The following BSND variants were observed in gnomAD, a reference collection of about 807,000 sequenced individuals.
BSND encodes the protein barttin CLCNK type accessory subunit beta.
In BSND, 13 loss-of-function variants were observed where a neutral mutation model predicts 18.8. The ratio of observed to expected loss-of-function variants is 0.69; its 90% CI spans 0.45 to 1.10. The LOEUF (loss-of-function observed/expected upper bound fraction) is 1.10, where lower values mean the gene tolerates loss of function less well. Among genes scored for constraint, BSND ranks in the 50% least tolerant of loss-of-function variants. The pLI is 0.00. For synonymous variants in BSND, 170 were observed against 161.8 expected, an observed-to-expected ratio of 1.05 and a Z score of -0.39; for missense variants, 379 against 416.7, an observed-to-expected ratio of 0.91 and a Z score of 0.79.
chr1:55,007,536 G>A (rs1233862158), intron 3 of BSND, among the ~76,000 whole-genome samples: 1 of 152,166 alleles, frequency 6.6e-6, no homozygotes, highest in African/African-American at 2.4e-5. Context: ...CCCACACAGG[G>A]ATGATCATTC....
At position 55,008,622 on chromosome 1, in the gene BSND, A is replaced by G; in HGVS notation, c.957A>G (p.Gln319=). ...DKELGFEPDT[Q]G is the part of the protein sequence containing the mutation. ...AGCTGGGTTTTGAGCCTGACACCCAAGGCTGAGATGTTTGTGCTCCGTAGC... is the reference window on the plus strand; with the variant it reads ...AGCTGGGTTTTGAGCCTGACACCCAGGGCTGAGATGTTTGTGCTCCGTAGC... The change falls in exon 4 of 4, where the codon CAA becomes CAG. Residue 319 remains glutamine (Q), a synonymous_variant. Transcript: ENST00000651561. 6.2e-7 allele frequency: 1 copy of G among 1,614,088 alleles called. No homozygotes were observed. The highest frequency in any genetic ancestry group is 1.1e-5 in the South Asian group (1 of 91,076).
intron 1 of BSND, among the ~76,000 whole-genome samples, chr1:55,002,735 T>C (rs995109323): frequency 1.3e-5 from 2 of 152,178 alleles, no homozygotes; most frequent in Admixed American, 1.3e-4. Flanking sequence ...GTGGTGATGA[T>C]GATATGATGG....
intron 2 of BSND, among the ~76,000 whole-genome samples, chr1:55,005,661 G>A (rs1315505101): frequency 2.6e-5 from 4 of 152,220 alleles, no homozygotes; most frequent in African/African-American, 9.6e-5. Flanking sequence ...ACACACAGTA[G>A]GTCTTCTATG....
Position 55,016,214 on chromosome 1 carries a change from C to T in BSND, c.*7586C>T, listed in dbSNP as rs927818561. Reference sequence around the variant, plus strand: ...GTCTGAAAGAGGTTACAGTTCCTAACGGAGAGAGAGAGACAGATGGAGAGA... The same window carrying T: ...GTCTGAAAGAGGTTACAGTTCCTAATGGAGAGAGAGAGACAGATGGAGAGA... On this transcript the variant is annotated 3_prime_UTR_variant, in exon 4 of 4. Coordinates refer to ENST00000651561, the MANE Select transcript of BSND (RefSeq NM_057176.3). Among the ~76,000 whole-genome samples, 10 of 151,596 alleles carry T rather than the reference C, an allele frequency of 6.6e-5. No homozygotes were observed. The highest frequency in any genetic ancestry group is 2.2e-4 in the African/African-American group (9 of 41,176).
At position 55,008,834 on chromosome 1, in the gene BSND, C is replaced by T. The variant is rs1255168167; in HGVS notation, c.*206C>T. On this transcript the variant is annotated 3_prime_UTR_variant, in exon 4 of 4. Coordinates refer to ENST00000651561, the MANE Select transcript of BSND (RefSeq NM_057176.3). ...TTTCCAATAGTTAGTGGTCTTTGGCCAACCTTTGAAGGCAAAATATGATTT... is the reference window on the plus strand; with the variant it reads ...TTTCCAATAGTTAGTGGTCTTTGGCTAACCTTTGAAGGCAAAATATGATTT... 1.3e-6 allele frequency: 1 copy of T among 773,878 alleles called. No homozygotes were observed. The highest frequency in any genetic ancestry group is 1.7e-5 in the African/African-American group (1 of 57,310). 47.9% of individuals were successfully genotyped at this position (773,878 alleles called of 1,614,324 possible).
At position 55,008,285 on chromosome 1, in the gene BSND, A is replaced by T. The variant is rs753374999; in HGVS notation, c.620A>T (p.Glu207Val). ...FQDDLDMDSS[E>V]GSSPNASPHD... is the part of the protein sequence containing the mutation. ...GATGACCTGGACATGGACTCCAGTG[A>T]AGGCAGCAGCCCCAATGCATCTCCA... The change falls in exon 4 of 4, where the codon GAA (glutamate) becomes GTA (valine). Residue 207 changes from glutamate (E) to valine (V), a missense_variant. Coordinates refer to ENST00000651561, the MANE Select transcript of BSND (RefSeq NM_057176.3). The T allele has an allele frequency of 6.2e-6, 10 of 1,614,184 alleles. No individual in the cohort carries two copies. Among genetic ancestry groups the T allele is most frequent in the Non-Finnish European group, 8.5e-6 (10 of 1,180,042 alleles).
Position 54,999,374 on chromosome 1 carries a change from G to A in BSND, c.177+11G>A, listed in dbSNP as rs78904893. The A allele has an allele frequency of 0.034, 53,735 of 1,600,054 alleles. 2,557 individuals are homozygous for A. Among genetic ancestry groups the A allele is most frequent in the African/African-American group, 0.15 (11,288 of 74,796 alleles). On this transcript the variant is annotated intron_variant, in intron 1 of 3. Transcript: ENST00000651561. Reference sequence around the variant, plus strand: ...CAGTGCTACCCCAAGGTAGGTGGTAGTGGGGCTGGGTGGGGCCAGGTCAGC... The same window carrying A: ...CAGTGCTACCCCAAGGTAGGTGGTAATGGGGCTGGGTGGGGCCAGGTCAGC...
Position 55,009,360 on chromosome 1 carries a change from G to C in BSND, c.*732G>C. 6.5e-6 allele frequency: 1 copy of C among 153,328 alleles called. No homozygotes were observed. The highest frequency in any genetic ancestry group is 1.5e-5 in the Non-Finnish European group (1 of 68,650). 9.5% of individuals were successfully genotyped at this position (153,328 alleles called of 1,614,324 possible). A position where few individuals can be genotyped will look rare whatever the true frequency, so the allele number is the denominator to read the frequency against. On this transcript the variant is annotated 3_prime_UTR_variant, in exon 4 of 4. Coordinates refer to ENST00000651561, the MANE Select transcript of BSND (RefSeq NM_057176.3). ...GAACCAGGTGGTCTTGCCTCTCTGCGCTGCCTTTGGGACCTGTATATTTGT... is the reference window on the plus strand; with the variant it reads ...GAACCAGGTGGTCTTGCCTCTCTGCCCTGCCTTTGGGACCTGTATATTTGT...
rs995550048 is a variant in BSND at position 55,011,965 on chromosome 1, C to T, written c.*3337C>T. The stretch of plus-strand genomic sequence containing the variant: ...TGGCAAAGCCTGGGATTCTAGCGTT[C>T]AGCTCCAGGCTCCAGGTGTGTGTGC... On this transcript the variant is annotated 3_prime_UTR_variant, in exon 4 of 4. Coordinates refer to ENST00000651561, the MANE Select transcript of BSND (RefSeq NM_057176.3). Among the ~76,000 whole-genome samples, 1 of 152,152 alleles carries T rather than the reference C, an allele frequency of 6.6e-6. No individual in the cohort carries two copies. Among genetic ancestry groups the T allele is most frequent in the African/African-American group, 2.4e-5 (1 of 41,432 alleles).
chr1:55,004,048 T>G (rs1644376977), intron 1 of BSND, among the ~76,000 whole-genome samples: 1 of 152,258 alleles, frequency 6.6e-6, no homozygotes, highest in Admixed American at 6.5e-5. Context: ...TTCTTCTTTC[T>G]GGCTCTATGG....
chr1:55,003,823 C>G (rs1644375114), intron 1 of BSND, among the ~76,000 whole-genome samples: 2 of 150,434 alleles, frequency 1.3e-5, no homozygotes, highest in Non-Finnish European at 2.9e-5. Context: ...CCTCAGGAGA[C>G]TGGCGTAACT....
In BSND at chr1:55,017,124, G is replaced by C. The variant is rs1458374567; in HGVS notation, c.*8496G>C. Among the ~76,000 whole-genome samples the C allele has an allele frequency of 1.3e-5, 2 of 152,238 alleles. No homozygotes were observed. Among genetic ancestry groups the C allele is most frequent in the South Asian group, 4.1e-4 (2 of 4,834 alleles). On this transcript the variant is annotated 3_prime_UTR_variant, in exon 4 of 4. Coordinates refer to ENST00000651561, the MANE Select transcript of BSND (RefSeq NM_057176.3). ...TTCATTATTGTGCCCTCAGTGCTTA[G>C]TTAAGTTCCTGGAACACAGTATCCT...
At position 55,007,272 on chromosome 1, in the gene BSND, G is replaced by T. The variant is rs1253526087; in HGVS notation, c.548G>T (p.Gly183Val). Residue 183 changes from glycine to valine, a missense_variant and splice_region_variant, in exon 3 of 4, where the codon GGC (glycine) becomes GTC (valine). Physicochemically the swap from Gly to Val is moderately radical, Grantham distance 109 (BLOSUM62 -3). Transcript: ENST00000651561. ...GERRLTQSWPGPLACPQGPAP... is the reference protein window; with the variant it reads ...GERRLTQSWPVPLACPQGPAP... ...AGACGCCTAACTCAGAGCTGGCCCGGGTGAGTGCTTAGAGGGCAGGAGTGG... is the reference window on the plus strand; with the variant it reads ...AGACGCCTAACTCAGAGCTGGCCCGTGTGAGTGCTTAGAGGGCAGGAGTGG... The T allele has an allele frequency of 1.2e-6, 2 of 1,601,070 alleles. No homozygotes were observed. The highest frequency in any genetic ancestry group is 2.7e-5 in the African/African-American group (2 of 74,634).
At chr1:55,007,340 G>A in intron 3 of BSND, 68 bp downstream of exon 3, 1 of 505,094 alleles carries the variant, frequency 2.0e-6, no homozygotes, top group Non-Finnish European at 3.6e-6. Context: ...AGGAGTGGGG[G>A]ACCGCCGAGG....
chr1:55,006,229 C>T (rs755583213), intron 2 of BSND, among the ~76,000 whole-genome samples: 16 of 152,176 alleles, frequency 1.1e-4, no homozygotes, highest in South Asian at 2.1e-4. Context: ...GCCAGAGCTC[C>T]GTCTCAGGGC....
At position 55,015,465 on chromosome 1, in the gene BSND, C is replaced by T. The variant is rs1644445155; in HGVS notation, c.*6837C>T. Among the ~76,000 whole-genome samples the T allele has an allele frequency of 6.6e-6, 1 of 152,194 alleles. No individual in the cohort carries two copies. Among genetic ancestry groups the T allele is most frequent in the African/African-American group, 2.4e-5 (1 of 41,448 alleles). On this transcript the variant is annotated 3_prime_UTR_variant, in exon 4 of 4. Coordinates refer to ENST00000651561, the MANE Select transcript of BSND (RefSeq NM_057176.3). ...GGGCCCCAGTGACTCAGGAAGTCCC[C>T]AGGTCAGAAAATGGGCCCCACTGGT... is the stretch of plus-strand genomic sequence containing the variant.
rs1267947306 is a variant in BSND at position 55,012,738 on chromosome 1, G to A, written c.*4110G>A. Among the ~76,000 whole-genome samples the A allele has an allele frequency of 6.6e-6, 1 of 152,212 alleles. No homozygotes were observed. The highest frequency in any genetic ancestry group is 1.5e-5 in the Non-Finnish European group (1 of 68,030). ...GGGGTAAAGAAAGTCTGTGTGCCCAGTGCTGAGAGGCAGGTGAGCCAACAG... is the reference window on the plus strand; with the variant it reads ...GGGGTAAAGAAAGTCTGTGTGCCCAATGCTGAGAGGCAGGTGAGCCAACAG... On this transcript the variant is annotated 3_prime_UTR_variant, in exon 4 of 4. Transcript: ENST00000651561.
rs1005264419 is a variant in BSND, at chr1:55,011,196, T to C, written c.*2568T>C. Reference sequence around the variant, plus strand: ...GGGGGCTTGGGGTAGTGGAGTGAGATGGTGAGACCCAGGCTTGGTCTCCCT... The same window carrying C: ...GGGGGCTTGGGGTAGTGGAGTGAGACGGTGAGACCCAGGCTTGGTCTCCCT... On this transcript the variant is annotated 3_prime_UTR_variant, in exon 4 of 4. Transcript: ENST00000651561. 1 of 152,314 alleles carries C rather than the reference T, an allele frequency of 6.6e-6. No individual in the cohort carries two copies. The highest frequency in any genetic ancestry group is 1.5e-5 in the Non-Finnish European group (1 of 68,108). The allele number at this position is 152,314 out of a possible 1,614,324, so 9.4% of individuals were successfully genotyped here. A position where few individuals can be genotyped will look rare whatever the true frequency, so the allele number is the denominator to read the frequency against.
In BSND at chr1:55,012,123, G is replaced by T. The variant is rs1644425152; in HGVS notation, c.*3495G>T. 6.6e-6 allele frequency among the ~76,000 whole-genome samples: 1 copy of T among 152,182 alleles called. No homozygotes were observed. Among genetic ancestry groups the T allele is most frequent in the South Asian group, 2.1e-4 (1 of 4,828 alleles). ...TAACTGGAAAGGGTGGGCAAGGGAA[G>T]GCAGGGGGCCCAGGGGCAGGGAACC... On this transcript the variant is annotated 3_prime_UTR_variant, in exon 4 of 4. Coordinates refer to ENST00000651561, the MANE Select transcript of BSND (RefSeq NM_057176.3).
Sources: gnomAD v4.1 joint callset for allele counts (sites outside exome capture counted in the v4.1 genomes callset) on GRCh38, gnomAD v4.1.1 for gene constraint, MANE v1.5 for transcripts, NCBI Gene and HGNC (gene_info 2026-07-23, HGNC 2026-07-21) for gene names.